Variants in C2orf49 observed in about 807,000 individuals in gnomAD.
C2orf49 encodes the protein tRNA-splicing ligase complex subunit ASW.
In C2orf49, 11 loss-of-function variants were observed where a neutral mutation model predicts 20.6. The observed-to-expected ratio is 0.53, with a 90% confidence interval of 0.34 to 0.88. C2orf49 has a LOEUF of 0.88. C2orf49 is among the 40% of genes least tolerant of loss of function. The pLI, the probability that C2orf49 is intolerant of heterozygous loss-of-function variation, is 0.02. For synonymous variants in C2orf49, 134 were observed against 108.5 expected (o/e 1.24, Z -1.46); for missense variants, 289 against 274.2 (o/e 1.05, Z -0.38).
the C2orf49 span, among the ~76,000 whole-genome samples, chr2:105,372,392 A>AT: frequency 0.091 from 13,883 of 151,862 alleles, 916 homozygotes; most frequent in Middle Eastern, 0.14. Flanking sequence ...TGCCCGGCTA[A>AT]TTTTTTGTAT....
At chr2:105,352,799 G>T (rs1317476159), downstream of C2orf49, among the ~76,000 whole-genome samples, 1 of 152,048 alleles carries the variant, frequency 6.6e-6, no homozygotes, top group African/African-American at 2.4e-5. Context: ...ATTTGAGAAG[G>T]AATCTGAAGA....
At chr2:105,353,834 T>G (rs1679991899), downstream of C2orf49, among the ~76,000 whole-genome samples, 1 of 152,252 alleles carries the variant, frequency 6.6e-6, no homozygotes, top group African/African-American at 2.4e-5. Flanking sequence ...GATTGAGAAT[T>G]GAGTATATAT....
At chr2:105,363,335 A>AAGC in the C2orf49 span, 2 of 1,614,066 alleles carry the variant, frequency 1.2e-6, no homozygotes, top group African/African-American at 2.7e-5. Flanking sequence ...CAAGTCACAG[A>AAGC]AGCAGTTCAG....
chr2:105,339,685 A>G lies in C2orf49; in HGVS notation c.202A>G (p.Asn68Asp). 6.2e-7 allele frequency: 1 copy of G among 1,608,680 alleles called. No homozygotes were observed. Residue 68 changes from asparagine (N) to aspartate (D), a missense_variant, in exon 2 of 4, where the codon AAT becomes GAT. Asn to Asp is a conservative substitution (Grantham distance 23, BLOSUM62 1). Transcript: ENST00000258457. ...ATTGCCTCAGAGGGATTTGCCGAAG[A>G]ATAGATGGGGGAAAATGATGGAAAA... Reference protein sequence around the residue: ...IPLPQRDLPKNRWGKMMEKKR... With the variant: ...IPLPQRDLPKDRWGKMMEKKR...
chr2:105,367,570 C>G, the C2orf49 span: 1 of 1,611,218 alleles, frequency 6.2e-7, no homozygotes, highest in Non-Finnish European at 8.5e-7. Flanking sequence ...TCTGAGATAC[C>G]TTTTTGCACT....
chr2:105,349,555 T>C (rs565112109), downstream of C2orf49, among the ~76,000 whole-genome samples: 41 of 152,222 alleles, frequency 2.7e-4, no homozygotes, highest in Non-Finnish European at 4.6e-4. Context: ...TATTGTGGAA[T>C]AAAAAATAGA....
rs978742039 is a variant in C2orf49 at position 105,348,401 on chromosome 2, A to G, written c.*3030A>G. ...AAAATTCTTCAGAATTGGAATTACT[A>G]TTTGAAATAATATTTTGGTTGACTT... On this transcript the variant is annotated 3_prime_UTR_variant, in exon 4 of 4. Transcript: ENST00000258457. 5.3e-5 allele frequency: 8 copies of G among 152,224 alleles called. No individual in the cohort carries two copies. The highest frequency in any genetic ancestry group is 1.9e-4 in the African/African-American group (8 of 41,544). The allele number at this position is 152,224 out of a possible 1,614,324, so 9.4% of individuals were successfully genotyped here. A position where few individuals can be genotyped will look rare whatever the true frequency, so the allele number is the denominator to read the frequency against.
At chr2:105,369,752 A>G in the C2orf49 span, among the ~76,000 whole-genome samples, 2 of 152,260 alleles carry the variant, frequency 1.3e-5, no homozygotes, top group Admixed American at 1.3e-4. Flanking sequence ...CAAGCAGCCC[A>G]GAAGCCAAAG....
the C2orf49 span, among the ~76,000 whole-genome samples, chr2:105,356,632 A>G: frequency 6.6e-6 from 1 of 152,226 alleles, no homozygotes; most frequent in African/African-American, 2.4e-5. Context: ...CAGGGACCAT[A>G]GTTTACAACC....
At chr2:105,358,717 G>C in the C2orf49 span, 1 of 152,230 alleles carries the variant, frequency 6.6e-6, no homozygotes, top group African/African-American at 2.4e-5. Context: ...TCCTTCAGTA[G>C]GAAGAGGGTC....
chr2:105,368,702 A>AT, the C2orf49 span, among the ~76,000 whole-genome samples: 2 of 152,232 alleles, frequency 1.3e-5, no homozygotes, highest in East Asian at 3.9e-4. Flanking sequence ...GTTGACTGAC[A>AT]TTTTTTCATT....
At chr2:105,370,689 CTT>C in the C2orf49 span, among the ~76,000 whole-genome samples, 1 of 152,148 alleles carries the variant, frequency 6.6e-6, no homozygotes, top group Non-Finnish European at 1.5e-5. Context: ...GGTTCTAACA[CTT>C]TTAAAAATCA....
chr2:105,374,188 G>T, the C2orf49 span: 1 of 233,600 alleles, frequency 4.3e-6, no homozygotes, highest in East Asian at 1.1e-4. Flanking sequence ...GTGTCGGGAT[G>T]TTCACAGGAG....
chr2:105,373,225 G>C, the C2orf49 span, among the ~76,000 whole-genome samples: 1 of 152,184 alleles, frequency 6.6e-6, no homozygotes, highest in Non-Finnish European at 1.5e-5. Flanking sequence ...GCAGGTAGAA[G>C]GGAAGAAAAG....
At chr2:105,366,020 A>G in the C2orf49 span, among the ~76,000 whole-genome samples, 1 of 151,968 alleles carries the variant, frequency 6.6e-6, no homozygotes, top group Non-Finnish European at 1.5e-5. Context: ...AGCCTGGCCA[A>G]CATGTTGAAA....
At position 105,339,834 on chromosome 2, in the gene C2orf49, A is replaced by C. The variant is rs115446111; in HGVS notation, c.266+85A>C. 1.6e-4 allele frequency: 197 copies of C among 1,256,730 alleles called. 2 individuals are homozygous for C. The African/African-American group carries it at 2.8e-3, about 18-fold the overall frequency. 77.8% of individuals were successfully genotyped at this position (1,256,730 alleles called of 1,614,324 possible). ...TATTGATTTTTCCTGAGATAAACTT[A>C]AGTAAAAAATTTATTTACTCAATGA... On this transcript the variant is annotated intron_variant, in intron 2 of 3. Transcript: ENST00000258457.
Position 105,339,706 on chromosome 2 carries a change from G to A in C2orf49, c.223G>A (p.Glu75Lys). Residue 75 changes from glutamate to lysine, a missense_variant, in exon 2 of 4, where the codon GAA becomes AAA. By Grantham distance (56) the Glu-to-Lys change is moderately conservative. Coordinates refer to ENST00000258457, the MANE Select transcript of C2orf49 (RefSeq NM_024093.3). ...GAAGAATAGATGGGGGAAAATGATG[G>A]AAAAGAAAAGAGAACAACATGAGAT... ...LPKNRWGKMM[E>K]KKREQHEIKN... 1.2e-6 allele frequency: 2 copies of A among 1,604,812 alleles called. No homozygotes were observed. The highest frequency in any genetic ancestry group is 8.5e-7 in the Non-Finnish European group (1 of 1,178,024).
chr2:105,368,122 T>C, the C2orf49 span, among the ~76,000 whole-genome samples: 1 of 152,192 alleles, frequency 6.6e-6, no homozygotes, highest in Non-Finnish European at 1.5e-5. Context: ...CTAGGGACTG[T>C]ATTCACCTAT....
In C2orf49 at chr2:105,339,701, T is replaced by C; in HGVS notation, c.218T>C (p.Met73Thr). 4 of 1,606,128 alleles carry C rather than the reference T, an allele frequency of 2.5e-6. No homozygotes were observed. Among genetic ancestry groups the C allele is most frequent in the Non-Finnish European group, 3.4e-6 (4 of 1,178,348 alleles). Reference protein sequence around the residue: ...RDLPKNRWGKMMEKKREQHEI... With the variant: ...RDLPKNRWGKTMEKKREQHEI... ...TTGCCGAAGAATAGATGGGGGAAAA[T>C]GATGGAAAAGAAAAGAGAACAACAT... The change falls in exon 2 of 4, where the codon ATG becomes ACG. Residue 73 changes from methionine to threonine, a missense_variant. Physicochemically the swap from Met to Thr is moderately conservative, Grantham distance 81. Transcript: ENST00000258457.
Sources: gnomAD v4.1 joint callset for allele counts (sites outside exome capture counted in the v4.1 genomes callset) on GRCh38, gnomAD v4.1.1 for gene constraint, MANE v1.5 for transcripts, NCBI Gene and HGNC (gene_info 2026-07-23, HGNC 2026-07-21) for gene names.